TOX: variants seen among roughly 807,000 people sequenced by gnomAD.
The protein encoded by TOX is thymocyte selection-associated high mobility group box protein TOX.
In TOX, 11 loss-of-function variants were observed where a neutral mutation model predicts 53.7. The ratio of observed to expected loss-of-function variants is 0.20; its 90% CI spans 0.13 to 0.34. TOX has a LOEUF of 0.34. Ranked by LOEUF, TOX falls within the 10% of genes least tolerant of loss-of-function variation. TOX has a pLI of 1.00. For missense variants in TOX, 570 were observed against 664.6 expected, an observed-to-expected ratio of 0.86 and a Z score of 1.56; for synonymous variants, 225 against 245.3, an observed-to-expected ratio of 0.92 and a Z score of 0.77.
At chr8:59,034,177 G>A (rs1018587695) in intron 1 of TOX, among the ~76,000 whole-genome samples, 2 of 152,200 alleles carry the variant, frequency 1.3e-5, no homozygotes, top group Non-Finnish European at 2.9e-5. Context: ...TGCAGTTTGA[G>A]AGATTGTATC....
intron 3 of TOX, among the ~76,000 whole-genome samples, chr8:58,885,455 T>C (rs936291219): frequency 6.6e-6 from 1 of 152,106 alleles, no homozygotes; most frequent in African/African-American, 2.4e-5. Flanking sequence ...TTGCTATGTG[T>C]CACCTTACTC....
chr8:58,820,114 C>A (rs1810248347), intron 6 of TOX, among the ~76,000 whole-genome samples: 1 of 152,132 alleles, frequency 6.6e-6, no homozygotes, highest in African/African-American at 2.4e-5. Context: ...CTCCATAGCT[C>A]ACCATGGCAT....
At chr8:58,822,392 A>G (rs1810296419) in intron 6 of TOX, among the ~76,000 whole-genome samples, 1 of 152,172 alleles carries the variant, frequency 6.6e-6, no homozygotes, top group Non-Finnish European at 1.5e-5. Flanking sequence ...ACAGAGCCTA[A>G]AATTGAACAA....
At chr8:59,051,060 T>C (rs1457302085) in intron 1 of TOX, among the ~76,000 whole-genome samples, 1 of 152,128 alleles carries the variant, frequency 6.6e-6, no homozygotes, top group Non-Finnish European at 1.5e-5. Flanking sequence ...CTGAACTAGG[T>C]TGATTTTAGA....
chr8:58,962,331 T>C (rs10086459), intron 1 of TOX, among the ~76,000 whole-genome samples: 22,211 of 152,224 alleles, frequency 0.15, 1,747 homozygotes, highest in Middle Eastern at 0.17. Context: ...TTTTTAAGTA[T>C]ATTTTATGTT....
chr8:58,836,417 A>G (rs1399344870), intron 5 of TOX, among the ~76,000 whole-genome samples: 2 of 152,226 alleles, frequency 1.3e-5, no homozygotes, highest in Non-Finnish European at 2.9e-5. Flanking sequence ...TTAGAATCCC[A>G]TAATACAATG....
chr8:58,974,153 C>A (rs1465698173), intron 1 of TOX, among the ~76,000 whole-genome samples: 2 of 152,178 alleles, frequency 1.3e-5, no homozygotes, highest in Non-Finnish European at 2.9e-5. Flanking sequence ...GGGCACTTAA[C>A]ATTTGACAAT....
Position 58,943,956 on chromosome 8 carries a change from A to G in TOX, c.169-4412T>C, listed in dbSNP as rs866302553. Among the ~76,000 whole-genome samples the G allele has an allele frequency of 8.5e-5, 13 of 152,354 alleles. No individual in the cohort carries two copies. The East Asian group carries it at 1.2e-3, about 14-fold the overall frequency. ...TAATTTTATCTTGAATCTTCACCAT[A>G]TTAACTCAAGGTAAATTGGAAACAT... On this transcript the variant is annotated intron_variant, in intron 2 of 8. Coordinates refer to ENST00000361421, the MANE Select transcript of TOX (RefSeq NM_014729.3).
chr8:58,813,260 G>C (rs757991510), intron 7 of TOX, among the ~76,000 whole-genome samples: 1 of 152,176 alleles, frequency 6.6e-6, no homozygotes. Context: ...ATCATCCAAG[G>C]TGTTTGTGTT....
chr8:58,837,974 C>T (rs1051114875), intron 5 of TOX, 107 bp downstream of exon 5: 40 of 999,982 alleles, frequency 4.0e-5, no homozygotes, highest in Non-Finnish European at 5.5e-5. Context: ...ACCTTCTCAG[C>T]GTCTGTTCTG....
chr8:58,848,824 C>T (rs1810762580), intron 4 of TOX, among the ~76,000 whole-genome samples: 1 of 152,060 alleles, frequency 6.6e-6, no homozygotes, highest in African/African-American at 2.4e-5. Context: ...AGACTTATTT[C>T]ATTTAATTGT....
At chr8:58,897,400 G>C (rs1811669173) in intron 3 of TOX, among the ~76,000 whole-genome samples, 1 of 152,174 alleles carries the variant, frequency 6.6e-6, no homozygotes. Flanking sequence ...TGTGAAGATA[G>C]TGTTTTTAGG....
chr8:58,927,458 C>T (rs1812183143), intron 3 of TOX, among the ~76,000 whole-genome samples: 1 of 152,180 alleles, frequency 6.6e-6, no homozygotes, highest in Non-Finnish European at 1.5e-5. Context: ...TAGTTCACCA[C>T]CTGCCAGCTG....
intron 3 of TOX, among the ~76,000 whole-genome samples, chr8:58,885,089 T>G (rs1295903157): frequency 6.6e-6 from 1 of 152,164 alleles, no homozygotes; most frequent in Non-Finnish European, 1.5e-5. Flanking sequence ...AGTATTAACC[T>G]TTTACAGAAG....
chr8:58,947,789 A>G (rs972787155), intron 2 of TOX, among the ~76,000 whole-genome samples: 6 of 152,240 alleles, frequency 3.9e-5, no homozygotes, highest in Non-Finnish European at 7.3e-5. Flanking sequence ...CACTGATATC[A>G]GGGCCTAAAG....
intron 2 of TOX, 110 bp from the exon 3 acceptor site, chr8:58,939,654 G>T (rs896173931): frequency 7.0e-7 from 1 of 1,434,450 alleles, no homozygotes; most frequent in East Asian, 2.4e-5. Context: ...TATGGATTTG[G>T]CAAAGACATT....
chr8:58,963,135 T>C (rs937013373), intron 1 of TOX, among the ~76,000 whole-genome samples: 24 of 152,286 alleles, frequency 1.6e-4, no homozygotes, highest in East Asian at 9.6e-4. Flanking sequence ...TGAAATAACA[T>C]TGGCTCTTGT....
At chr8:59,020,170 T>C (rs1399154626) in intron 1 of TOX, among the ~76,000 whole-genome samples, 1 of 152,222 alleles carries the variant, frequency 6.6e-6, no homozygotes. Context: ...AGAAAGTATT[T>C]GTTTCATAAA....
chr8:58,962,751 A>G (rs1036866286), intron 1 of TOX, among the ~76,000 whole-genome samples: 1 of 152,166 alleles, frequency 6.6e-6, no homozygotes, highest in Non-Finnish European at 1.5e-5. Flanking sequence ...GGCTGCAGGT[A>G]TATTATCCAG....
Sources: allele counts gnomAD v4.1 joint callset (sites outside exome capture counted in the v4.1 genomes callset), GRCh38; gene constraint gnomAD v4.1.1; transcripts MANE v1.5; gene names NCBI Gene and HGNC (gene_info 2026-07-23, HGNC 2026-07-21).